The following ERBIN variants were observed in gnomAD, a reference collection of about 807,000 sequenced individuals.
The protein encoded by ERBIN is erbb2 interacting protein.
Under a neutral mutation model 158.4 loss-of-function variants are expected in ERBIN, and 60 were observed. The ratio of observed to expected loss-of-function variants is 0.38; its 90% confidence interval spans 0.31 to 0.47. The LOEUF (loss-of-function observed/expected upper bound fraction) is 0.47. Ranked by LOEUF, ERBIN falls within the 20% of genes least tolerant of loss-of-function variation. The probability of loss-of-function intolerance (pLI) is 0.99; values close to 1 mark genes in which losing one functional copy is unlikely to be tolerated. For synonymous variants in ERBIN, 594 were observed against 557.2 expected (o/e 1.07, Z -0.93); for missense variants, 1,610 against 1,648.0 (o/e 0.98, Z 0.40).
chr5:66,025,844 A>T lies in ERBIN; in HGVS notation c.891-4A>T. The T allele has an allele frequency of 7.0e-7, 1 of 1,425,924 alleles. No homozygotes were observed. The highest frequency in any genetic ancestry group is 2.0e-4 in the Middle Eastern group (1 of 4,908). The allele number at this position is 1,425,924 out of a possible 1,614,324, so 88.3% of individuals were successfully genotyped here. Reference sequence around the variant, plus strand: ...TAATATATATTTCTTTTTTTAAATTAAAGGTTAATATCAGTAGAAGAACTG... The same window carrying T: ...TAATATATATTTCTTTTTTTAAATTTAAGGTTAATATCAGTAGAAGAACTG... On this transcript the variant is annotated splice_polypyrimidine_tract_variant and splice_region_variant and intron_variant, in intron 11 of 25. Coordinates refer to ENST00000284037, the MANE Select transcript of ERBIN (RefSeq NM_001253697.2).
chr5:65,946,898 TTAAC>T (rs1383924815), intron 1 of ERBIN, among the ~76,000 whole-genome samples: 6 of 152,108 alleles, frequency 3.9e-5, no homozygotes, highest in Admixed American at 2.6e-4. Flanking sequence ...TGGAACATCT[TTAAC>T]TGTGCTATTC....
chr5:66,054,094 G>C lies in ERBIN; in HGVS notation c.2776G>C (p.Val926Leu), dbSNP rs747510014. The change falls in exon 21 of 26, where the codon GTA becomes CTA. Residue 926 changes from valine to leucine, a missense_variant. This residue lies in a region of ERBIN where 1,014 missense variants were observed against 936.1 expected (regional missense o/e 1.08). Transcript: ENST00000284037. ...ACTGTTGTATGATCAACCATTGCAG[G>C]TATTTACTGGTTCTTCCTCATCTTC... is the stretch of plus-strand genomic sequence containing the variant. ...ATLLYDQPLQ[V>L]FTGSSSSSDL... 2 of 1,614,036 alleles carry C rather than the reference G, an allele frequency of 1.2e-6. No individual in the cohort carries two copies. The highest frequency in any genetic ancestry group is 2.7e-5 in the African/African-American group (2 of 74,912).
chr5:66,044,063 T>C (rs1758176873), intron 16 of ERBIN, 74 bp from the exon 17 acceptor site: 1 of 1,122,896 alleles, frequency 8.9e-7, no homozygotes, highest in Non-Finnish European at 1.2e-6. Context: ...TCAGATGGGT[T>C]ACAGATTAAA....
rs971617224 is a variant in ERBIN at position 66,053,535 on chromosome 5, G to A, written c.2217G>A (p.Glu739=). The change falls in exon 21 of 26, where the codon GAG becomes GAA. Residue 739 remains glutamate, a synonymous_variant. Transcript: ENST00000284037. ...NLPEYDLNVE[E]RLVLIEKSVD... is the part of the protein sequence containing the mutation. ...CTGAATATGATTTGAATGTTGAAGA[G>A]CGATTAGTTCTAATTGAGAAAAGTG... 5 of 1,611,616 alleles carry A rather than the reference G, an allele frequency of 3.1e-6. No homozygotes were observed. The highest frequency in any genetic ancestry group is 2.7e-5 in the African/African-American group (2 of 74,792).
In ERBIN at chr5:66,054,893, T is replaced by G; in HGVS notation, c.3575T>G (p.Val1192Gly). Reference protein sequence around the residue: ...SLLDPPGKSKVPRDWREQVLR... With the variant: ...SLLDPPGKSKGPRDWREQVLR... ...TTAGATCCTCCAGGAAAAAGTAAAG[T>G]TCCTCGTGACTGGAGAGAACAAGTA... Residue 1192 changes from valine to glycine, a missense_variant, in exon 21 of 26, where the codon GTT becomes GGT. By Grantham distance (109) the Val-to-Gly change is moderately radical. Transcript: ENST00000284037. 6.2e-7 allele frequency: 1 copy of G among 1,613,940 alleles called. No homozygotes were observed. The highest frequency in any genetic ancestry group is 1.1e-5 in the South Asian group (1 of 91,070).
At chr5:65,951,888 A>G (rs556222557) in intron 1 of ERBIN, among the ~76,000 whole-genome samples, 1 of 152,330 alleles carries the variant, frequency 6.6e-6, no homozygotes, top group African/African-American at 2.4e-5. Flanking sequence ...TGTTTGACAC[A>G]TGTATGCTGT....
At chr5:66,061,012 G>T (rs1470568603) in intron 21 of ERBIN, among the ~76,000 whole-genome samples, 1 of 152,196 alleles carries the variant, frequency 6.6e-6, no homozygotes, top group Non-Finnish European at 1.5e-5. Flanking sequence ...TGAAAAGAAT[G>T]TATATTCTGT....
chr5:65,965,095 C>T (rs77064915), intron 1 of ERBIN, among the ~76,000 whole-genome samples: 6,084 of 151,368 alleles, frequency 0.04, 413 homozygotes, highest in African/African-American at 0.14. Flanking sequence ...CTGGCCAGAA[C>T]AATCTTTTAA....
intron 1 of ERBIN, 76 bp from the exon 2 acceptor site, chr5:65,988,559 A>G (rs1299755717): frequency 6.6e-6 from 1 of 152,148 alleles, no homozygotes; most frequent in Non-Finnish European, 1.5e-5. Context: ...TAAATTAGGT[A>G]TTTAAAGAGA....
chr5:65,952,434 AT>A (rs1256169694), intron 1 of ERBIN, among the ~76,000 whole-genome samples: 2,069 of 152,254 alleles, frequency 0.014, 58 homozygotes, highest in African/African-American at 0.048. Context: ...ATCATGGTGC[AT>A]TGCAGCCTCA....
At chr5:66,031,051 T>C (rs1580407105) in intron 14 of ERBIN, among the ~76,000 whole-genome samples, 1 of 152,306 alleles carries the variant, frequency 6.6e-6, no homozygotes, top group Non-Finnish European at 1.5e-5. Flanking sequence ...TTCTTCAAAG[T>C]TTGACAGAAT....
chr5:65,940,299 C>T (rs1744708151), intron 1 of ERBIN, among the ~76,000 whole-genome samples: 1 of 147,074 alleles, frequency 6.8e-6, no homozygotes, highest in South Asian at 2.1e-4. Flanking sequence ...AGTGAGGAGA[C>T]CCTCCGCCTG....
chr5:65,965,382 G>GTTTTTTTTTTTTTTTTTTTT (rs200847060), intron 1 of ERBIN, among the ~76,000 whole-genome samples: 19 of 96,058 alleles, frequency 2.0e-4, no homozygotes, highest in East Asian at 3.6e-4. Flanking sequence ...GTTTTTTGTT[G>GTTTTTTTTTTTTTTTTTTTT]TTTTTTTTTT....
chr5:66,062,997 T>C (rs890789997), intron 21 of ERBIN, among the ~76,000 whole-genome samples: 13 of 152,258 alleles, frequency 8.5e-5, no homozygotes, highest in African/African-American at 2.9e-4. Context: ...AGGGACCCAC[T>C]TGAGGAGGCA....
intron 20 of ERBIN, among the ~76,000 whole-genome samples, chr5:66,051,212 T>G (rs1758987173): frequency 6.6e-6 from 1 of 152,216 alleles, no homozygotes; most frequent in South Asian, 2.1e-4. Flanking sequence ...TGAATATTTA[T>G]ATATTTTTAG....
intron 1 of ERBIN, among the ~76,000 whole-genome samples, chr5:65,959,338 A>G (rs1020172828): frequency 2.0e-5 from 3 of 152,104 alleles, no homozygotes; most frequent in African/African-American, 7.2e-5. Context: ...TTTTCTATGG[A>G]GGCCATCTTA....
At chr5:65,974,265 C>T (rs566079064) in intron 1 of ERBIN, among the ~76,000 whole-genome samples, 3 of 152,278 alleles carry the variant, frequency 2.0e-5, no homozygotes, top group Admixed American at 6.5e-5. Context: ...GGACCTGCTG[C>T]GGTGTCCTTA....
In ERBIN at chr5:65,937,471, T is replaced by C. The variant is rs1007861391; in HGVS notation, c.-58+10665T>C. Among the ~76,000 whole-genome samples the C allele has an allele frequency of 2.5e-4, 38 of 152,218 alleles. 1 individual carries two copies. Among genetic ancestry groups the C allele is most frequent in the African/African-American group, 8.9e-4 (37 of 41,444 alleles). On this transcript the variant is annotated intron_variant, in intron 1 of 25. Transcript: ENST00000284037. Reference sequence around the variant, plus strand: ...TATACTATGTCAGGATTTTCTTTTTTTTATTTGTTGTGTTTTTTATGATAC... The same window carrying C: ...TATACTATGTCAGGATTTTCTTTTTCTTATTTGTTGTGTTTTTTATGATAC...
intron 1 of ERBIN, among the ~76,000 whole-genome samples, chr5:65,976,818 A>G (rs1020464415): frequency 1.1e-4 from 17 of 151,088 alleles, no homozygotes; most frequent in Admixed American, 9.2e-4. Flanking sequence ...TGTTTCAGAG[A>G]GCACAGGGTT....
Sources: gnomAD v4.1 joint callset for allele counts (sites outside exome capture counted in the v4.1 genomes callset) on GRCh38, gnomAD v4.1.1 for gene constraint, gnomAD v4.1.1 regional missense constraint, MANE v1.5 for transcripts, NCBI Gene and HGNC (gene_info 2026-07-23, HGNC 2026-07-21) for gene names.